CRPPA: variants seen among roughly 807,000 people sequenced by gnomAD.
The protein encoded by CRPPA is D-ribitol-5-phosphate cytidylyltransferase.
A neutral mutation model predicts 52.0 loss-of-function variants in CRPPA; 43 were observed. The ratio of observed to expected loss-of-function variants is 0.83; its 90% CI spans 0.65 to 1.07. The LOEUF (loss-of-function observed/expected upper bound fraction) is 1.07. CRPPA is among the 50% of genes least tolerant of loss of function. The pLI, the probability that CRPPA is intolerant of heterozygous loss-of-function variation, is 0.00. For missense variants in CRPPA, 629 were observed against 551.7 expected (o/e 1.14, Z -1.40); for synonymous variants, 250 against 203.5 (o/e 1.23, Z -1.94).
chr7:16,352,657 G>C (rs1294582450), intron 3 of CRPPA, among the ~76,000 whole-genome samples: 1 of 152,122 alleles, frequency 6.6e-6, no homozygotes, highest in East Asian at 1.9e-4. Context: ...TGGTAATATT[G>C]TAAGTTAGTA....
At position 16,090,774 on chromosome 7, in the gene CRPPA, C is replaced by T. The variant is rs1781821951; in HGVS notation, c.*921G>A. Reference sequence around the variant, plus strand: ...AGTGTATGTATAGATTAAAAGTCACCTCTAATGAATTAAAGGACACCCATA... The same window carrying T: ...AGTGTATGTATAGATTAAAAGTCACTTCTAATGAATTAAAGGACACCCATA... On this transcript the variant is annotated 3_prime_UTR_variant, in exon 10 of 10. Coordinates refer to ENST00000407010, the MANE Select transcript of CRPPA (RefSeq NM_001101426.4). 6.6e-6 allele frequency: 1 copy of T among 151,784 alleles called. No homozygotes were observed. 9.4% of individuals were successfully genotyped at this position (151,784 alleles called of 1,614,324 possible).
chr7:16,368,430 T>C (rs998018979), intron 3 of CRPPA, among the ~76,000 whole-genome samples: 1 of 152,228 alleles, frequency 6.6e-6, no homozygotes, highest in Admixed American at 6.5e-5. Flanking sequence ...AAGCCCAAGA[T>C]TCTTTGAAAA....
chr7:16,136,706 C>T (rs1232526100), intron 9 of CRPPA, among the ~76,000 whole-genome samples: 2 of 152,180 alleles, frequency 1.3e-5, no homozygotes, highest in African/African-American at 2.4e-5. Context: ...AAGATCTTCA[C>T]TAAGATGATT....
At chr7:16,365,266 C>T (rs1786562237) in intron 3 of CRPPA, among the ~76,000 whole-genome samples, 1 of 152,192 alleles carries the variant, frequency 6.6e-6, no homozygotes, top group African/African-American at 2.4e-5. Context: ...GTCAGATGAA[C>T]TCTCAGTCTT....
chr7:16,225,655 C>T (rs1398894676), intron 8 of CRPPA, among the ~76,000 whole-genome samples: 1 of 151,798 alleles, frequency 6.6e-6, no homozygotes, highest in Non-Finnish European at 1.5e-5. Context: ...ATTATAAAAA[C>T]TAATACTGCT....
At chr7:16,101,395 G>C (rs1035320266) in intron 9 of CRPPA, among the ~76,000 whole-genome samples, 1 of 152,074 alleles carries the variant, frequency 6.6e-6, no homozygotes, top group Non-Finnish European at 1.5e-5. Context: ...TATGTGTCCA[G>C]GAATTTATCC....
intron 8 of CRPPA, among the ~76,000 whole-genome samples, chr7:16,225,817 T>C (rs552238909): frequency 1.2e-4 from 19 of 152,074 alleles, no homozygotes; most frequent in Admixed American, 1.2e-3. Flanking sequence ...TACAAGTCCA[T>C]CATGCTACTT....
At chr7:16,398,812 G>A (rs374741718) in intron 2 of CRPPA, among the ~76,000 whole-genome samples, 2,108 of 152,296 alleles carry the variant, frequency 0.014, 57 homozygotes, top group African/African-American at 0.048. Flanking sequence ...TGATTGAAAC[G>A]TGACCAATAC....
At chr7:16,126,134 C>A (rs962385333) in intron 9 of CRPPA, among the ~76,000 whole-genome samples, 1 of 152,068 alleles carries the variant, frequency 6.6e-6, no homozygotes, top group African/African-American at 2.4e-5. Flanking sequence ...AATCAAGAAG[C>A]AGAAAAATAT....
Position 16,165,638 on chromosome 7 carries a change from C to CA in CRPPA, c.1251+50427dup, listed in dbSNP as rs1400139178. On this transcript the variant is annotated intron_variant, in intron 9 of 9. Coordinates refer to ENST00000407010, the MANE Select transcript of CRPPA (RefSeq NM_001101426.4). ...GTCAGATGGAACCCACATGCAAATG[C>CA]AAATTCAAAAACAGCCTTTTCCTTA... Among the ~76,000 whole-genome samples the CA allele has an allele frequency of 5.3e-5, 8 of 152,294 alleles. No individual in the cohort carries two copies. In the East Asian group the frequency reaches 1.5e-3, roughly 29 times the overall value.
intron 9 of CRPPA, among the ~76,000 whole-genome samples, chr7:16,179,414 G>A (rs533472152): frequency 5.3e-5 from 8 of 152,162 alleles, no homozygotes; most frequent in African/African-American, 1.9e-4. Flanking sequence ...ATCTTGAAAT[G>A]AGAAGGTTAT....
At chr7:16,175,081 C>T (rs559500634) in intron 9 of CRPPA, among the ~76,000 whole-genome samples, 1 of 152,232 alleles carries the variant, frequency 6.6e-6, no homozygotes, top group South Asian at 2.1e-4. Context: ...GTACTTTAGG[C>T]AGTCCATGGG....
At chr7:16,225,959 A>C (rs983476780) in intron 8 of CRPPA, among the ~76,000 whole-genome samples, 1 of 151,988 alleles carries the variant, frequency 6.6e-6, no homozygotes, top group Non-Finnish European at 1.5e-5. Flanking sequence ...TTCAGAATAC[A>C]CAGAAAAAAA....
At chr7:16,370,263 G>A (rs1245209680) in intron 3 of CRPPA, among the ~76,000 whole-genome samples, 1 of 152,212 alleles carries the variant, frequency 6.6e-6, no homozygotes, top group Non-Finnish European at 1.5e-5. Flanking sequence ...AGATAGGAGT[G>A]CAGGATCTGG....
At chr7:16,357,702 T>C (rs61227640) in intron 3 of CRPPA, among the ~76,000 whole-genome samples, 16,259 of 152,166 alleles carry the variant, frequency 0.11, 1,103 homozygotes, top group East Asian at 0.36. Context: ...GCCACAATAA[T>C]CTCAACAGGA....
chr7:16,325,064 C>T (rs11773382), intron 3 of CRPPA, among the ~76,000 whole-genome samples: 68,584 of 152,028 alleles, frequency 0.45, 15,741 homozygotes, highest in South Asian at 0.6. Flanking sequence ...CTTTTTGCTT[C>T]TGTTGAATTC....
intron 9 of CRPPA, among the ~76,000 whole-genome samples, chr7:16,184,627 C>T (rs73058542): frequency 0.017 from 2,561 of 152,256 alleles, 28 homozygotes; most frequent in Admixed American, 0.031. Flanking sequence ...TTCAAAGGCA[C>T]ATGCTGTTTA....
chr7:16,250,608 C>A (rs183945691), intron 8 of CRPPA, among the ~76,000 whole-genome samples: 1 of 152,278 alleles, frequency 6.6e-6, no homozygotes, highest in African/African-American at 2.4e-5. Context: ...CCCAGAATTT[C>A]ATATCCAGCC....
At chr7:16,384,160 T>G (rs1208966254) in intron 2 of CRPPA, among the ~76,000 whole-genome samples, 1 of 152,138 alleles carries the variant, frequency 6.6e-6, no homozygotes, top group Non-Finnish European at 1.5e-5. Flanking sequence ...TTAGGGCCAC[T>G]CATGATGCAG....
Sources: allele counts gnomAD v4.1 joint callset (sites outside exome capture counted in the v4.1 genomes callset), GRCh38; gene constraint gnomAD v4.1.1; transcripts MANE v1.5; gene names NCBI Gene and HGNC (gene_info 2026-07-23, HGNC 2026-07-21).